The following TTC19 variants were observed in gnomAD, a reference collection of about 807,000 sequenced individuals.
The protein encoded by TTC19 is tetratricopeptide repeat domain 19.
Under a neutral mutation model 49.5 loss-of-function variants are expected in TTC19, and 38 were observed. The observed-to-expected ratio is 0.77, with a 90% confidence interval of 0.59 to 1.01. The LOEUF (loss-of-function observed/expected upper bound fraction) is 1.01. Among genes scored for constraint, TTC19 ranks in the 50% least tolerant of loss-of-function variants. The pLI is 0.00. For synonymous variants in TTC19, 204 were observed against 185.2 expected (o/e 1.10, Z -0.83); for missense variants, 475 against 477.7 (o/e 0.99, Z 0.05).
rs1045743259 is a variant in TTC19, at chr17:16,025,189, A to G, written c.831+18A>G. 2.5e-6 allele frequency: 4 copies of G among 1,611,094 alleles called. No individual in the cohort carries two copies. Among genetic ancestry groups the G allele is most frequent in the Non-Finnish European group, 2.5e-6 (3 of 1,178,324 alleles). On this transcript the variant is annotated intron_variant, in intron 8 of 9. Transcript: ENST00000261647. The stretch of plus-strand genomic sequence containing the variant: ...ACCCACAGGTAAGGGAGGAAAACAC[A>G]GAAGGGGGAATATAAAACAAAGGCT...
At chr17:16,009,671 A>G (rs1317348147) in intron 7 of TTC19, among the ~76,000 whole-genome samples, 1 of 152,190 alleles carries the variant, frequency 6.6e-6, no homozygotes, top group Non-Finnish European at 1.5e-5. Context: ...CACAAAGCAA[A>G]TCCATTATCA....
intron 7 of TTC19, among the ~76,000 whole-genome samples, chr17:16,008,796 T>C (rs538233094): frequency 3.2e-4 from 49 of 152,246 alleles, no homozygotes; most frequent in African/African-American, 9.1e-4. Context: ...TTCACTCAGG[T>C]CTCTGCTCAA....
chr17:16,006,539 A>G lies in TTC19; in HGVS notation c.647A>G (p.Glu216Gly), dbSNP rs1462900262. 1.9e-6 allele frequency: 3 copies of G among 1,612,770 alleles called. No homozygotes were observed. The highest frequency in any genetic ancestry group is 2.5e-6 in the Non-Finnish European group (3 of 1,178,904). ...ACTCTAGAGGAAAAAATTGAAAGAG[A>G]AAAGGAATTAGCAGAAGACATTATG... ...ISTLEEKIER[E>G]KELAEDIMSV... Residue 216 changes from glutamate (E) to glycine (G), a missense_variant, in exon 7 of 10, where the codon GAA (glutamate) becomes GGA (glycine). By Grantham distance (98) the Glu-to-Gly change is moderately conservative (BLOSUM62 -2). Coordinates refer to ENST00000261647, the MANE Select transcript of TTC19 (RefSeq NM_017775.4).
chr17:16,038,495 G>C (rs1312849285), intron 2 of TTC19, among the ~76,000 whole-genome samples: 1 of 151,524 alleles, frequency 6.6e-6, no homozygotes, highest in Non-Finnish European at 1.5e-5. Context: ...GGAGTGCAGT[G>C]GTGCAATTGC....
At position 16,028,272 on chromosome 17, in the gene TTC19, G is replaced by A; in HGVS notation, c.*750G>A. 1 of 454,088 alleles carries A rather than the reference G, an allele frequency of 2.2e-6. No homozygotes were observed. The highest frequency in any genetic ancestry group is 4.4e-6 in the Non-Finnish European group (1 of 226,776). 28.1% of individuals were successfully genotyped at this position (454,088 alleles called of 1,614,324 possible). A position where few individuals can be genotyped will look rare whatever the true frequency, so the allele number is the denominator to read the frequency against. Reference sequence around the variant, plus strand: ...TTTGCAGCCTTAGTCACACAACTGAGTCATCTCAAGTACTCTTTAAGGACA... The same window carrying A: ...TTTGCAGCCTTAGTCACACAACTGAATCATCTCAAGTACTCTTTAAGGACA... On this transcript the variant is annotated 3_prime_UTR_variant, in exon 10 of 10. Transcript: ENST00000261647.
Position 16,000,196 on chromosome 17 carries a change from G to GGGCGGACGAGGCCGA in TTC19, c.267_281dup (p.Asp90_Ala94dup). 1.3e-6 allele frequency: 2 copies of GGGCGGACGAGGCCGA among 1,594,460 alleles called. No homozygotes were observed. Among genetic ancestry groups the GGGCGGACGAGGCCGA allele is most frequent in the Non-Finnish European group, 1.7e-6 (2 of 1,178,856 alleles). On this transcript the variant is annotated inframe_insertion, in exon 2 of 10. Transcript: ENST00000261647. Reference sequence around the variant, plus strand: ...GCCGACGGGGCCGCTGCCGAGGACGGGGCGGACGAGGCCGAGGCAGAGATC... The same window carrying GGGCGGACGAGGCCGA: ...GCCGACGGGGCCGCTGCCGAGGACGGGGCGGACGAGGCCGAGGCGGACGAGGCCGAGGCAGAGATC...
At chr17:16,008,201 C>A (rs149165431) in intron 7 of TTC19, among the ~76,000 whole-genome samples, 85 of 152,282 alleles carry the variant, frequency 5.6e-4, no homozygotes, top group South Asian at 1.5e-3. Flanking sequence ...ACCTTCAGCC[C>A]CAACTTGCCC....
chr17:16,037,325 T>C (rs1193106575), intron 2 of TTC19, among the ~76,000 whole-genome samples: 1 of 151,946 alleles, frequency 6.6e-6, no homozygotes, highest in African/African-American at 2.4e-5. Flanking sequence ...TACCAAAATA[T>C]GACACAGACA....
intron 2 of TTC19, chr17:16,040,318 AT>A: frequency 1.2e-6 from 1 of 822,704 alleles, no homozygotes; most frequent in South Asian, 1.4e-5. Context: ...TAAATTATTT[AT>A]TTATTTTTCC....
At chr17:16,023,249 G>A (rs987727179) in intron 7 of TTC19, 4 of 152,170 alleles carry the variant, frequency 2.6e-5, no homozygotes, top group African/African-American at 7.2e-5. Context: ...GTACCTCACT[G>A]TTTTCTCTAA....
At chr17:16,033,801 T>G (rs1973148184), downstream of TTC19, among the ~76,000 whole-genome samples, 1 of 152,140 alleles carries the variant, frequency 6.6e-6, no homozygotes, top group South Asian at 2.1e-4. Flanking sequence ...TACAGACAGA[T>G]GATGGCTTTT....
chr17:16,040,801 G>A (rs182146434), intron 2 of TTC19: 10 of 355,604 alleles, frequency 2.8e-5, no homozygotes, highest in South Asian at 1.1e-4. Context: ...AGGCTGAGGC[G>A]GTAGGACTGC....
Position 16,002,843 on chromosome 17 carries a change from G to A in TTC19, c.462+12G>A, listed in dbSNP as rs2151646412. ...GTCAGCTTGAAAATGTAAGTAAATT[G>A]CTTTGTAATATCTTGAATTTATGAA... On this transcript the variant is annotated intron_variant, in intron 4 of 9. Coordinates refer to ENST00000261647, the MANE Select transcript of TTC19 (RefSeq NM_017775.4). 1 of 1,613,482 alleles carries A rather than the reference G, an allele frequency of 6.2e-7. No homozygotes were observed. The highest frequency in any genetic ancestry group is 8.5e-7 in the Non-Finnish European group (1 of 1,179,524).
In TTC19 at chr17:16,001,991, A is replaced by G; in HGVS notation, c.389A>G (p.Asp130Gly). 2 of 1,613,154 alleles carry G rather than the reference A, an allele frequency of 1.2e-6. No individual in the cohort carries two copies. Among genetic ancestry groups the G allele is most frequent in the Non-Finnish European group, 1.7e-6 (2 of 1,179,944 alleles). Reference protein sequence around the residue: ...HDALRLAYQTDNKKAITYTYD... With the variant: ...HDALRLAYQTGNKKAITYTYD... ...GCTCTTCGTCTCGCCTATCAGACTG[A>G]TAACAAGAAGGCCATCACTTACACT... The change falls in exon 3 of 10, where the codon GAT becomes GGT. Residue 130 changes from aspartate (D) to glycine (G), a missense_variant. Coordinates refer to ENST00000261647, the MANE Select transcript of TTC19 (RefSeq NM_017775.4).
intron 4 of TTC19, among the ~76,000 whole-genome samples, chr17:16,003,297 T>G (rs536669944): frequency 6.6e-6 from 1 of 152,022 alleles, no homozygotes; most frequent in African/African-American, 2.4e-5. Flanking sequence ...GTTGCCCAGG[T>G]TGGAGTGCGG....
chr17:16,037,805 A>C (rs1202932702), intron 2 of TTC19, among the ~76,000 whole-genome samples: 1 of 152,232 alleles, frequency 6.6e-6, no homozygotes, highest in Non-Finnish European at 1.5e-5. Context: ...AACTCAGCAG[A>C]ATTTCACAGA....
intron 2 of TTC19, among the ~76,000 whole-genome samples, chr17:16,035,840 C>G (rs1247509463): frequency 6.6e-6 from 1 of 152,140 alleles, no homozygotes; most frequent in African/African-American, 2.4e-5. Context: ...TCATACCCGG[C>G]CTCTCTTGCT....
Position 15,999,853 on chromosome 17 carries a change from T to A in TTC19, c.5T>A (p.Phe2Tyr), listed in dbSNP as rs1297530982. ...CGCAGAGGACGCGGCGGGAGCATGT[T>A]CCGGCTCCTGAGCTGGAGCCTGGGC... The part of the protein sequence containing the change: M[F>Y]RLLSWSLGRG... The change falls in exon 1 of 10, where the codon TTC becomes TAC. Residue 2 changes from phenylalanine to tyrosine, a missense_variant. By Grantham distance (22) the Phe-to-Tyr change is conservative (BLOSUM62 3). Transcript: ENST00000261647. 1 of 1,517,416 alleles carries A rather than the reference T, an allele frequency of 6.6e-7. No individual in the cohort carries two copies. Among genetic ancestry groups the A allele is most frequent in the East Asian group, 2.5e-5 (1 of 39,318 alleles). The allele number at this position is 1,517,416 out of a possible 1,614,324, so 94.0% of individuals were successfully genotyped here.
chr17:16,037,225 C>T (rs1348626803), intron 2 of TTC19, among the ~76,000 whole-genome samples: 1 of 152,068 alleles, frequency 6.6e-6, no homozygotes, highest in Non-Finnish European at 1.5e-5. Flanking sequence ...CCTCATGGTG[C>T]CCCCAAACAA....
Sources: gnomAD v4.1 joint callset for allele counts (sites outside exome capture counted in the v4.1 genomes callset) on GRCh38, gnomAD v4.1.1 for gene constraint, MANE v1.5 for transcripts, NCBI Gene and HGNC (gene_info 2026-07-23, HGNC 2026-07-21) for gene names.